Variants in RAB3C observed in about 807,000 individuals in gnomAD.
The protein encoded by RAB3C is ras-related protein Rab-3C.
In RAB3C, 17 loss-of-function variants were observed where a neutral mutation model predicts 26.4. That is an observed-to-expected ratio of 0.64 (90% CI 0.44 to 0.97). The LOEUF (loss-of-function observed/expected upper bound fraction) is 0.97. Among genes scored for constraint, RAB3C ranks in the 50% least tolerant of loss-of-function variants. The pLI is 0.00. For synonymous variants in RAB3C, 91 were observed against 95.9 expected, an observed-to-expected ratio of 0.95 and a Z score of 0.30; for missense variants, 242 against 281.9, an observed-to-expected ratio of 0.86 and a Z score of 1.01.
chr5:58,617,721 A>G lies in RAB3C; in HGVS notation c.103A>G (p.Ile35Val), dbSNP rs1484314125. The G allele has an allele frequency of 6.2e-7, 1 of 1,614,032 alleles. No individual in the cohort carries two copies. Among genetic ancestry groups the G allele is most frequent in the Non-Finnish European group, 8.5e-7 (1 of 1,179,922 alleles). Residue 35 changes from isoleucine (I) to valine (V), a missense_variant, in exon 2 of 5, where the codon ATC (isoleucine) becomes GTC (valine). By Grantham distance (29) the Ile-to-Val change is conservative (BLOSUM62 3). Transcript: ENST00000282878. ...CTTTGACTACATGTTCAAATTACTC[A>G]TCATCGGCAATAGCAGTGTGGGGAA... The part of the protein sequence containing the change: ...QNFDYMFKLL[I>V]IGNSSVGKTS...
At chr5:58,790,631 CT>C (rs1742503299) in intron 3 of RAB3C, among the ~76,000 whole-genome samples, 1 of 152,160 alleles carries the variant, frequency 6.6e-6, no homozygotes, top group Non-Finnish European at 1.5e-5. Flanking sequence ...ACAAGGACCA[CT>C]AGAGCCTACT....
At chr5:58,687,168 T>C (rs1221904587) in intron 2 of RAB3C, among the ~76,000 whole-genome samples, 1 of 152,124 alleles carries the variant, frequency 6.6e-6, no homozygotes, top group Admixed American at 6.6e-5. Flanking sequence ...GAAGCCCTTC[T>C]AGAAATGATT....
chr5:58,630,532 G>T (rs535226257), intron 2 of RAB3C, among the ~76,000 whole-genome samples: 9 of 152,074 alleles, frequency 5.9e-5, no homozygotes, highest in Non-Finnish European at 1.3e-4. Context: ...GAGAAAAGTG[G>T]CATTTAAAAA....
At chr5:58,598,238 T>A (rs7720297) in intron 1 of RAB3C, among the ~76,000 whole-genome samples, 1 of 88,472 alleles carries the variant, frequency 1.1e-5, no homozygotes, top group African/African-American at 4.9e-5. Flanking sequence ...TATAAGTATA[T>A]GATAATATGT....
intron 2 of RAB3C, among the ~76,000 whole-genome samples, chr5:58,635,697 T>C (rs971782166): frequency 6.6e-6 from 1 of 152,094 alleles, no homozygotes; most frequent in African/African-American, 2.4e-5. Context: ...ACTTTACCTC[T>C]AGAGTAGTTG....
At chr5:58,635,865 G>A (rs1459057352) in intron 2 of RAB3C, among the ~76,000 whole-genome samples, 1 of 152,120 alleles carries the variant, frequency 6.6e-6, no homozygotes, top group East Asian at 1.9e-4. Context: ...TTTGGTAATA[G>A]GAGATATATG....
intron 3 of RAB3C, among the ~76,000 whole-genome samples, chr5:58,740,541 G>C (rs907818041): frequency 2.6e-5 from 4 of 152,132 alleles, no homozygotes; most frequent in Non-Finnish European, 5.9e-5. Context: ...AAATATCTTG[G>C]CCAGGCGTGG....
chr5:58,705,524 A>G (rs192739292), intron 2 of RAB3C, among the ~76,000 whole-genome samples: 107 of 152,338 alleles, frequency 7.0e-4, no homozygotes, highest in African/African-American at 2.4e-3. Context: ...AAAGGAGTTA[A>G]GAGGTACTTG....
At chr5:58,665,113 G>C (rs937162458) in intron 2 of RAB3C, among the ~76,000 whole-genome samples, 22 of 152,074 alleles carry the variant, frequency 1.4e-4, no homozygotes, top group Admixed American at 1.4e-3. Flanking sequence ...TCCCTGACCA[G>C]TTTGTCTAAA....
chr5:58,695,382 C>T (rs1748676617), intron 2 of RAB3C, among the ~76,000 whole-genome samples: 1 of 152,066 alleles, frequency 6.6e-6, no homozygotes, highest in Non-Finnish European at 1.5e-5. Context: ...GTTCTTTTTG[C>T]TTAGGATTGT....
At chr5:58,787,572 G>A (rs1742420220) in intron 3 of RAB3C, among the ~76,000 whole-genome samples, 1 of 152,142 alleles carries the variant, frequency 6.6e-6, no homozygotes, top group Admixed American at 6.5e-5. Context: ...GCTTGAATTG[G>A]AGAGGGTAAC....
intron 2 of RAB3C, among the ~76,000 whole-genome samples, chr5:58,654,713 G>A (rs1561279781): frequency 6.6e-6 from 1 of 151,938 alleles, no homozygotes; most frequent in Non-Finnish European, 1.5e-5. Context: ...TCTCTCCAAT[G>A]TATCCCAAAA....
intron 2 of RAB3C, among the ~76,000 whole-genome samples, chr5:58,717,844 C>A (rs1475434411): frequency 6.6e-6 from 1 of 152,018 alleles, no homozygotes; most frequent in Non-Finnish European, 1.5e-5. Context: ...GCACAAAAGC[C>A]GATCAAAATT....
At chr5:58,601,579 G>T (rs184517584) in intron 1 of RAB3C, among the ~76,000 whole-genome samples, 107 of 152,112 alleles carry the variant, frequency 7.0e-4, no homozygotes, top group African/African-American at 2.2e-3. Flanking sequence ...TAGGAGGGTT[G>T]TATTTTTTCC....
intron 4 of RAB3C, among the ~76,000 whole-genome samples, chr5:58,833,324 T>TCTCACACACACACACACACA (rs1554021454): frequency 1.1e-4 from 16 of 141,154 alleles, no homozygotes; most frequent in African/African-American, 4.2e-4. Context: ...ACGGACCCCA[T>TCTCACACACACACACACACA]CACACACACA....
chr5:58,745,581 C>T (rs926708826), intron 3 of RAB3C, among the ~76,000 whole-genome samples: 4 of 151,946 alleles, frequency 2.6e-5, no homozygotes. Context: ...CTCCTTGTCC[C>T]CTAAAGCTCA....
intron 3 of RAB3C, among the ~76,000 whole-genome samples, chr5:58,732,042 A>T (rs1194993987): frequency 6.6e-6 from 1 of 151,874 alleles, no homozygotes; most frequent in Admixed American, 6.6e-5. Flanking sequence ...GAGGGGTTGC[A>T]TAAAAGGTGT....
At chr5:58,809,671 G>A (rs946330259) in intron 3 of RAB3C, among the ~76,000 whole-genome samples, 14 of 152,178 alleles carry the variant, frequency 9.2e-5, no homozygotes, top group South Asian at 8.3e-4. Flanking sequence ...TTTTAAACAC[G>A]GTCATGTGGG....
rs550285483 is a variant in RAB3C at position 58,783,999 on chromosome 5, G to A, written c.372-41039G>A. On this transcript the variant is annotated intron_variant, in intron 3 of 4. Transcript: ENST00000282878. ...CAGGAATCTGTGGGTGAGCATATGGGAAGGCACTTTTATTAGCAGCCCTGG... is the reference window on the plus strand; with the variant it reads ...CAGGAATCTGTGGGTGAGCATATGGAAAGGCACTTTTATTAGCAGCCCTGG... Among the ~76,000 whole-genome samples, 8 of 152,224 alleles carry A rather than the reference G, an allele frequency of 5.3e-5. No individual in the cohort carries two copies. In the East Asian group the frequency reaches 9.7e-4, roughly 18 times the overall value.
Sources: allele counts gnomAD v4.1 joint callset (sites outside exome capture counted in the v4.1 genomes callset), GRCh38; gene constraint gnomAD v4.1.1; transcripts MANE v1.5; gene names NCBI Gene and HGNC (gene_info 2026-07-23, HGNC 2026-07-21).